The following LMNA variants were observed in gnomAD, a reference collection of about 807,000 sequenced individuals.
The protein encoded by LMNA is lamin.
LMNA carries 20 observed loss-of-function variants against 70.4 expected under a neutral mutation model. The observed-to-expected ratio is 0.28, with a 90% CI of 0.20 to 0.41. The LOEUF (loss-of-function observed/expected upper bound fraction) is 0.41. Ranked by LOEUF, LMNA falls within the 10% of genes least tolerant of loss-of-function variation. The probability of loss-of-function intolerance (pLI) is 1.00; values close to 1 mark genes in which losing one functional copy is unlikely to be tolerated. For missense variants in LMNA, 652 were observed against 917.2 expected, an observed-to-expected ratio of 0.71 and a Z score of 3.73; for synonymous variants, 339 against 372.8, an observed-to-expected ratio of 0.91 and a Z score of 1.04.
rs1202827306 is a variant in LMNA at position 156,114,840 on chromosome 1, C to T, written c.-79C>T. 1.4e-5 allele frequency: 14 copies of T among 984,298 alleles called. No homozygotes were observed. Among genetic ancestry groups the T allele is most frequent in the Middle Eastern group, 3.2e-4 (1 of 3,090 alleles). 61.0% of individuals were successfully genotyped at this position (984,298 alleles called of 1,614,324 possible). ...CCGGCCGGCGCACTCCGACTCCGAGCAGTCTCTGTCCTTCGACCCGAGCCC... is the reference window on the plus strand; with the variant it reads ...CCGGCCGGCGCACTCCGACTCCGAGTAGTCTCTGTCCTTCGACCCGAGCCC... On this transcript the variant is annotated 5_prime_UTR_variant, in exon 1 of 12. Coordinates refer to ENST00000368300, the MANE Select transcript of LMNA (RefSeq NM_170707.4).
At chr1:156,111,626 T>C (rs1332306109), upstream of LMNA, among the ~76,000 whole-genome samples, 4 of 152,222 alleles carry the variant, frequency 2.6e-5, no homozygotes, top group Non-Finnish European at 5.9e-5. Flanking sequence ...TCCCTCTGTC[T>C]TTCCCACTGG....
chr1:156,100,531 T>C lies in LMNA; in HGVS notation c.-207+9949T>C, dbSNP rs184495774. On this transcript the variant is annotated intron_variant, in intron 3 of 12. Transcript: ENST00000368301. Reference sequence around the variant, plus strand: ...TAAACAGTAGCTCTCCTTACTATTGTTATTGTGACCGTGCCCCAGGCTAGG... The same window carrying C: ...TAAACAGTAGCTCTCCTTACTATTGCTATTGTGACCGTGCCCCAGGCTAGG... 3.3e-5 allele frequency among the ~76,000 whole-genome samples: 5 copies of C among 152,152 alleles called. No homozygotes were observed. The East Asian group carries it at 9.7e-4, about 29-fold the overall frequency.
rs794728596 is a variant in LMNA at position 156,137,186 on chromosome 1, G to T, written c.1562G>T (p.Gly521Val). The T allele has an allele frequency of 6.2e-7, 1 of 1,608,700 alleles. No individual in the cohort carries two copies. Among genetic ancestry groups the T allele is most frequent in the Non-Finnish European group, 8.5e-7 (1 of 1,177,972 alleles). Reference sequence around the variant, plus strand: ...GTGTGGAAGGCACAGAACACCTGGGGCTGCGGGAACAGCCTGCGTACGGCT... The same window carrying T: ...GTGTGGAAGGCACAGAACACCTGGGTCTGCGGGAACAGCCTGCGTACGGCT... ...DLVWKAQNTW[G>V]CGNSLRTALI... is the part of the protein sequence containing the mutation. The change falls in exon 9 of 12, where the codon GGC becomes GTC. Residue 521 changes from glycine (G) to valine (V), a missense_variant. Transcript: ENST00000368300. This position sits in a 1 kb window ranked among gnomAD's most constrained non-coding sequence, Gnocchi z 4.6.
intron 1 of LMNA, among the ~76,000 whole-genome samples, chr1:156,117,877 G>A (rs1649940077): frequency 6.6e-6 from 1 of 151,230 alleles, no homozygotes; most frequent in African/African-American, 2.4e-5. Context: ...ATAACTTGCT[G>A]CAGCCTGGAA....
intron 3 of LMNA, among the ~76,000 whole-genome samples, chr1:156,097,596 T>A (rs1361909187): frequency 6.6e-6 from 1 of 152,248 alleles, no homozygotes; most frequent in African/African-American, 2.4e-5. Flanking sequence ...GAGCCAGGAT[T>A]GGAACCCAGG....
rs971102801 is a variant in LMNA at position 156,128,505 on chromosome 1, A to C, written c.357-2112A>C. On this transcript the variant is annotated intron_variant, in intron 1 of 11. Transcript: ENST00000368300. ...TTCTGAAATCATCCCATTGCCTTCC[A>C]GCTTCTTTCAGCTCAGGCTGGCTGG... 3.9e-5 allele frequency among the ~76,000 whole-genome samples: 6 copies of C among 152,236 alleles called. No individual in the cohort carries two copies. In the South Asian group the frequency reaches 8.3e-4, roughly 21 times the overall value.
Position 156,136,900 on chromosome 1 carries a change from T to TCTTCCCTATCTTCCC in LMNA, c.1381-20_1381-6dup. The stretch of plus-strand genomic sequence containing the variant: ...CCTGGGTGAGCCTCCCCGACCTTCC[T>TCTTCCCTATCTTCCC]CTTCCCTATCTTCCCGGCAGGACCA... On this transcript the variant is annotated intron_variant, in intron 7 of 11. Coordinates refer to ENST00000368300, the MANE Select transcript of LMNA (RefSeq NM_170707.4). This position sits in a 1 kb window ranked among gnomAD's most constrained non-coding sequence, Gnocchi z 6.1. 1 of 1,608,046 alleles carries TCTTCCCTATCTTCCC rather than the reference T, an allele frequency of 6.2e-7. No homozygotes were observed. Among genetic ancestry groups the TCTTCCCTATCTTCCC allele is most frequent in the Non-Finnish European group, 8.5e-7 (1 of 1,176,218 alleles).
In LMNA at chr1:156,137,171, C is replaced by T. The variant is rs1318350884; in HGVS notation, c.1547C>T (p.Ala516Val). The T allele has an allele frequency of 6.2e-7, 1 of 1,611,536 alleles. No individual in the cohort carries two copies. The highest frequency in any genetic ancestry group is 2.2e-5 in the East Asian group (1 of 44,824). Residue 516 changes from alanine (A) to valine (V), a missense_variant, in exon 9 of 12, where the codon GCA becomes GTA. Ala to Val is a moderately conservative substitution (Grantham distance 64). This residue lies in a region of LMNA where 327 missense variants were observed against 387.6 expected (regional missense o/e 0.84). Coordinates refer to ENST00000368300, the MANE Select transcript of LMNA (RefSeq NM_170707.4). This position sits in a 1 kb window ranked among gnomAD's most constrained non-coding sequence, Gnocchi z 4.6. ...CCCCCTACCGACCTGGTGTGGAAGG[C>T]ACAGAACACCTGGGGCTGCGGGAAC... is the stretch of plus-strand genomic sequence containing the variant. ...HSPPTDLVWKAQNTWGCGNSL... is the reference protein window; with the variant it reads ...HSPPTDLVWKVQNTWGCGNSL...
chr1:156,133,570 C>G (rs1255866554), intron 2 of LMNA, among the ~76,000 whole-genome samples: 1 of 146,150 alleles, frequency 6.8e-6, no homozygotes. Flanking sequence ...GACTCCATCT[C>G]AAAAAAAAAA....
At chr1:156,087,313 GGCT>G (rs1648517824) in intron 2 of LMNA, among the ~76,000 whole-genome samples, 1 of 150,170 alleles carries the variant, frequency 6.7e-6, no homozygotes, top group South Asian at 2.1e-4. Context: ...GCGCCATCTC[GGCT>G]CACTGCAACC....
chr1:156,130,213 C>T (rs1412211674), intron 1 of LMNA, among the ~76,000 whole-genome samples: 1 of 151,954 alleles, frequency 6.6e-6, no homozygotes, highest in African/African-American at 2.4e-5. Context: ...GGAAGCTTGG[C>T]CAAAGGGAAG....
chr1:156,129,824 C>T (rs755011518), intron 1 of LMNA: 25 of 762,862 alleles, frequency 3.3e-5, no homozygotes, highest in Non-Finnish European at 5.8e-5. Context: ...CTTTGAGGAG[C>T]AGGGAGGCTT....
At position 156,115,422 on chromosome 1, in the gene LMNA, G is replaced by A. The variant is rs1205124477; in HGVS notation, c.356+148G>A. ...CTCCCTCCCCGGAACTGCCCCCAGC[G>A]GGTGACTGGCAGTGTCAAGGGGAAT... On this transcript the variant is annotated intron_variant, in intron 1 of 11. Coordinates refer to ENST00000368300, the MANE Select transcript of LMNA (RefSeq NM_170707.4). The surrounding 1 kb of genome is among the most constrained non-coding windows in gnomAD (Gnocchi z 5.8). The A allele has an allele frequency of 4.0e-6, 3 of 744,986 alleles. No homozygotes were observed. Among genetic ancestry groups the A allele is most frequent in the Non-Finnish European group, 6.9e-6 (3 of 431,810 alleles). The allele number at this position is 744,986 out of a possible 1,614,324, so 46.1% of individuals were successfully genotyped here.
intron 1 of LMNA, 91 bp from the exon 2 acceptor site, chr1:156,130,526 G>A (rs1190747674): frequency 8.7e-6 from 12 of 1,379,422 alleles, no homozygotes; most frequent in South Asian, 2.3e-5. Context: ...GCATAGCAGC[G>A]CCAGCCCCCA....
In LMNA at chr1:156,134,566, G is replaced by A; in HGVS notation, c.639+38G>A. The A allele has an allele frequency of 3.1e-6, 5 of 1,612,744 alleles. No homozygotes were observed. The highest frequency in any genetic ancestry group is 4.2e-6 in the Non-Finnish European group (5 of 1,179,844). On this transcript the variant is annotated intron_variant, in intron 3 of 11. Transcript: ENST00000368300. The surrounding 1 kb of genome is among the most constrained non-coding windows in gnomAD (Gnocchi z 5.3). ...CTTTGCAAGCCAGAGGGCTGGGGCTGGGTGATGACAGACTTGGGCTGGGCT... is the reference window on the plus strand; with the variant it reads ...CTTTGCAAGCCAGAGGGCTGGGGCTAGGTGATGACAGACTTGGGCTGGGCT...
Position 156,115,362 on chromosome 1 carries a change from G to A in LMNA, c.356+88G>A. 1.7e-6 allele frequency: 2 copies of A among 1,188,042 alleles called. No homozygotes were observed. The highest frequency in any genetic ancestry group is 2.4e-6 in the Non-Finnish European group (2 of 829,886). The allele number at this position is 1,188,042 out of a possible 1,614,324, so 73.6% of individuals were successfully genotyped here. A position where few individuals can be genotyped will look rare whatever the true frequency, so the allele number is the denominator to read the frequency against. ...CTGGCCGGCCGCAGGAAGGGAGTGA[G>A]AGGGCCTGGAGGCCGATAACTTTGC... On this transcript the variant is annotated intron_variant, in intron 1 of 11. Coordinates refer to ENST00000368300, the MANE Select transcript of LMNA (RefSeq NM_170707.4). The surrounding 1 kb of genome is among the most constrained non-coding windows in gnomAD (Gnocchi z 5.8).
chr1:156,089,912 G>A (rs928313702), intron 2 of LMNA, among the ~76,000 whole-genome samples: 4 of 152,162 alleles, frequency 2.6e-5, no homozygotes, highest in East Asian at 3.9e-4. Context: ...GGACCCAGGC[G>A]TCCAGGAGGC....
At chr1:156,100,794 G>A (rs1649115051) in intron 3 of LMNA, among the ~76,000 whole-genome samples, 4 of 152,168 alleles carry the variant, frequency 2.6e-5, no homozygotes, top group Admixed American at 2.6e-4. Flanking sequence ...TGTGCCAGGT[G>A]CTGGCAGAGC....
intron 1 of LMNA, among the ~76,000 whole-genome samples, chr1:156,117,514 C>T (rs546968139): frequency 1.0e-3 from 154 of 152,204 alleles, no homozygotes; most frequent in African/African-American, 3.4e-3. Flanking sequence ...GGATTAGAGA[C>T]GGGAGCCACT....
Sources: gnomAD v4.1 joint callset for allele counts (sites outside exome capture counted in the v4.1 genomes callset) on GRCh38, gnomAD v4.1.1 for gene constraint, gnomAD v4.1.1 regional missense constraint, Gnocchi (gnomAD v3.1) non-coding constraint, MANE v1.5 for transcripts, NCBI Gene and HGNC (gene_info 2026-07-23, HGNC 2026-07-21) for gene names.